The following DRC8 variants were observed in gnomAD, a reference collection of about 807,000 sequenced individuals.
DRC8 encodes the protein dynein regulatory complex protein 8.
chr1:244,969,934 C>G, the DRC8 span: 2 of 489,400 alleles, frequency 4.1e-6, no homozygotes, highest in African/African-American at 4.1e-5. Context: ...CTATCACCCC[C>G]TTGGGAGCCC....
chr1:245,015,892 C>G, the DRC8 span, among the ~76,000 whole-genome samples: 1 of 150,686 alleles, frequency 6.6e-6, no homozygotes, highest in African/African-American at 2.4e-5. Context: ...CACTGTGCTG[C>G]CTGGAAAAAC....
At chr1:244,997,087 A>C in the DRC8 span, among the ~76,000 whole-genome samples, 1 of 152,198 alleles carries the variant, frequency 6.6e-6, no homozygotes, top group Non-Finnish European at 1.5e-5. Flanking sequence ...ATAAGGAAAA[A>C]AGACTGTACA....
chr1:244,972,957 TAAAC>T, the DRC8 span, among the ~76,000 whole-genome samples: 6 of 152,228 alleles, frequency 3.9e-5, no homozygotes, highest in Non-Finnish European at 7.3e-5. Context: ...TGTTAGAGGA[TAAAC>T]TAAGTAGAGA....
At chr1:245,040,815 T>C in the DRC8 span, among the ~76,000 whole-genome samples, 2 of 152,154 alleles carry the variant, frequency 1.3e-5, no homozygotes, top group Non-Finnish European at 2.9e-5. Flanking sequence ...TCAACAAATA[T>C]TTGATTTCTT....
the DRC8 span, among the ~76,000 whole-genome samples, chr1:245,076,521 CAGAA>C: frequency 2.0e-5 from 3 of 152,234 alleles, no homozygotes; most frequent in Admixed American, 2.0e-4. Context: ...CTGACCAATA[CAGAA>C]AGAAGTCAAG....
At chr1:245,016,013 G>T in the DRC8 span, among the ~76,000 whole-genome samples, 3 of 73,760 alleles carry the variant, frequency 4.1e-5, no homozygotes, top group African/African-American at 1.7e-4. Context: ...TGTTCTTGTT[G>T]CCCAGGCTGG....
chr1:244,970,360 G>C, the DRC8 span: 709,526 of 1,526,242 alleles, frequency 0.46, 171,997 homozygotes, highest in East Asian at 0.61. Context: ...TGAGCAGGCC[G>C]GGACACCGCG....
the DRC8 span, among the ~76,000 whole-genome samples, chr1:245,010,634 ACC>A: frequency 6.7e-6 from 1 of 148,374 alleles, no homozygotes; most frequent in African/African-American, 2.5e-5. Context: ...ATTTTGGGGT[ACC>A]CCTTTAATCC....
At chr1:245,098,008 T>C in the DRC8 span, among the ~76,000 whole-genome samples, 1 of 152,138 alleles carries the variant, frequency 6.6e-6, no homozygotes, top group Non-Finnish European at 1.5e-5. Context: ...CATTGAATGG[T>C]GCTGAGCCAG....
At chr1:245,115,325 G>C in the DRC8 span, among the ~76,000 whole-genome samples, 1 of 152,228 alleles carries the variant, frequency 6.6e-6, no homozygotes, top group Non-Finnish European at 1.5e-5. Flanking sequence ...TGGGATTACA[G>C]GCGTGAGCCA....
the DRC8 span, among the ~76,000 whole-genome samples, chr1:245,063,720 A>C: frequency 6.6e-6 from 1 of 152,134 alleles, no homozygotes; most frequent in Non-Finnish European, 1.5e-5. Context: ...TAACAGAGCC[A>C]GATCTCAACT....
the DRC8 span, among the ~76,000 whole-genome samples, chr1:245,117,810 A>T: frequency 6.6e-6 from 1 of 152,124 alleles, no homozygotes; most frequent in Non-Finnish European, 1.5e-5. Context: ...CTCTACTAAA[A>T]ATACACAAAT....
the DRC8 span, among the ~76,000 whole-genome samples, chr1:245,105,488 G>A: frequency 6.6e-6 from 1 of 151,736 alleles, no homozygotes; most frequent in African/African-American, 2.4e-5. Flanking sequence ...GCATGGTGGT[G>A]TGTGCCTGTA....
the DRC8 span, among the ~76,000 whole-genome samples, chr1:245,086,285 G>T: frequency 6.6e-6 from 1 of 152,286 alleles, no homozygotes; most frequent in Non-Finnish European, 1.5e-5. Flanking sequence ...TCTAAGTTAC[G>T]ATTTAATATA....
chr1:245,096,427 T>G, the DRC8 span, among the ~76,000 whole-genome samples: 2 of 152,248 alleles, frequency 1.3e-5, no homozygotes, highest in Non-Finnish European at 2.9e-5. Context: ...CTAATGCAAT[T>G]CATTTGCTCA....
the DRC8 span, among the ~76,000 whole-genome samples, chr1:245,090,644 G>A: frequency 1.3e-5 from 2 of 151,784 alleles, no homozygotes; most frequent in South Asian, 2.1e-4. Flanking sequence ...AAACTCCCAC[G>A]TGTCAGAGGT....
the DRC8 span, among the ~76,000 whole-genome samples, chr1:245,068,034 A>G: frequency 6.6e-6 from 1 of 152,008 alleles, no homozygotes; most frequent in African/African-American, 2.4e-5. Context: ...GAGTAGCATC[A>G]GGTAAATTTG....
At chr1:245,113,845 A>G in the DRC8 span, among the ~76,000 whole-genome samples, 5 of 152,036 alleles carry the variant, frequency 3.3e-5, no homozygotes. Flanking sequence ...AAAAGCTGAC[A>G]CACACAGAGA....
At chr1:245,063,209 T>G in the DRC8 span, among the ~76,000 whole-genome samples, 1 of 152,126 alleles carries the variant, frequency 6.6e-6, no homozygotes, top group Non-Finnish European at 1.5e-5. Flanking sequence ...GGTCTCCACT[T>G]CACTCAGGGT....
Sources: allele counts gnomAD v4.1 joint callset (sites outside exome capture counted in the v4.1 genomes callset), GRCh38; gene constraint gnomAD v4.1.1; transcripts MANE v1.5; gene names NCBI Gene and HGNC (gene_info 2026-07-23, HGNC 2026-07-21).